The following KLF12 variants were observed in gnomAD, a reference collection of about 807,000 sequenced individuals.
The protein encoded by KLF12 is Krueppel-like factor 12.
KLF12 carries 9 observed loss-of-function variants against 37.8 expected under a neutral mutation model. That is an observed-to-expected ratio of 0.24 (90% confidence interval 0.14 to 0.42). The LOEUF (loss-of-function observed/expected upper bound fraction) is 0.42. Among genes scored for constraint, KLF12 ranks in the 10% least tolerant of loss-of-function variants. The pLI is 1.00. For synonymous variants in KLF12, 208 were observed against 202.1 expected (o/e 1.03, Z -0.25); for missense variants, 411 against 516.0 (o/e 0.80, Z 1.97).
the KLF12 span, among the ~76,000 whole-genome samples, chr13:74,212,965 G>A: frequency 6.6e-6 from 1 of 151,856 alleles, no homozygotes; most frequent in Admixed American, 6.6e-5. Context: ...AAATAAGAAA[G>A]TTTCTTAGAA....
chr13:73,976,479 C>A (rs560550630), intron 2 of KLF12, among the ~76,000 whole-genome samples: 1 of 152,232 alleles, frequency 6.6e-6, no homozygotes, highest in East Asian at 1.9e-4. Flanking sequence ...CCCTTTATCT[C>A]TATGTCAGGT....
chr13:74,035,154 T>C (rs905551660), intron 1 of KLF12, among the ~76,000 whole-genome samples: 1 of 152,198 alleles, frequency 6.6e-6, no homozygotes, highest in African/African-American at 2.4e-5. Flanking sequence ...AATCCAAAGA[T>C]GCTTGAGCCC....
At chr13:74,049,605 A>C (rs1872778929) in intron 1 of KLF12, among the ~76,000 whole-genome samples, 1 of 152,238 alleles carries the variant, frequency 6.6e-6, no homozygotes, top group South Asian at 2.1e-4. Flanking sequence ...TTAAAGAATA[A>C]ATAAGAAGAC....
chr13:73,962,794 C>T (rs4885138), intron 2 of KLF12, among the ~76,000 whole-genome samples: 110,437 of 152,062 alleles, frequency 0.73, 40,875 homozygotes, highest in East Asian at 0.88. Context: ...CATTTCCTAA[C>T]TCACTTCAGG....
At chr13:73,821,364 T>G (rs1429725151) in intron 4 of KLF12, among the ~76,000 whole-genome samples, 2 of 152,160 alleles carry the variant, frequency 1.3e-5, no homozygotes, top group Non-Finnish European at 2.9e-5. Context: ...ATTTCCAGCA[T>G]CCTACTGACT....
intron 1 of KLF12, among the ~76,000 whole-genome samples, chr13:74,074,146 G>A (rs1024786231): frequency 2.0e-5 from 3 of 150,664 alleles, no homozygotes; most frequent in Non-Finnish European, 4.4e-5. Flanking sequence ...TTTCTCATTC[G>A]AGAGAGAGAG....
At chr13:74,020,050 TAAAACAA>T (rs1566506719) in intron 1 of KLF12, among the ~76,000 whole-genome samples, 1 of 152,230 alleles carries the variant, frequency 6.6e-6, no homozygotes, top group Non-Finnish European at 1.5e-5. Flanking sequence ...CAGTCTGCCT[TAAAACAA>T]ATCATTCCTA....
intron 3 of KLF12, among the ~76,000 whole-genome samples, chr13:73,927,484 T>C (rs937109923): frequency 6.6e-6 from 1 of 152,176 alleles, no homozygotes; most frequent in Non-Finnish European, 1.5e-5. Context: ...TTTTACCTCT[T>C]CTCCAAACCT....
intron 1 of KLF12, among the ~76,000 whole-genome samples, chr13:74,037,698 G>T (rs1893291563): frequency 6.6e-6 from 1 of 152,144 alleles, no homozygotes; most frequent in Admixed American, 6.5e-5. Flanking sequence ...CTCCCATTAT[G>T]ATAATGTTGA....
At chr13:73,804,520 C>T (rs1466207777) in intron 5 of KLF12, among the ~76,000 whole-genome samples, 6 of 152,178 alleles carry the variant, frequency 3.9e-5, no homozygotes, top group African/African-American at 1.4e-4. Context: ...CATCTGGCTC[C>T]TAAATACCCA....
At chr13:73,827,471 C>A (rs1186925612) in intron 4 of KLF12, among the ~76,000 whole-genome samples, 1 of 152,190 alleles carries the variant, frequency 6.6e-6, no homozygotes, top group African/African-American at 2.4e-5. Flanking sequence ...CAATTCTCCT[C>A]CCAAATACAA....
chr13:74,273,061 G>C, the KLF12 span, among the ~76,000 whole-genome samples: 1 of 152,158 alleles, frequency 6.6e-6, no homozygotes, highest in African/African-American at 2.4e-5. Flanking sequence ...CTTTTGGTAG[G>C]GGTGTGCTCT....
intron 5 of KLF12, among the ~76,000 whole-genome samples, chr13:73,770,240 T>C (rs1594070802): frequency 6.6e-6 from 1 of 152,286 alleles, no homozygotes; most frequent in East Asian, 1.9e-4. Flanking sequence ...TTGTACTGAA[T>C]ACAAGTTCTC....
chr13:73,952,625 G>A (rs1202739212), intron 2 of KLF12, among the ~76,000 whole-genome samples: 1 of 152,176 alleles, frequency 6.6e-6, no homozygotes, highest in Non-Finnish European at 1.5e-5. Flanking sequence ...TTTCTGTAAT[G>A]CCTGTTGGGT....
At chr13:73,961,770 G>A (rs1891028143) in intron 2 of KLF12, among the ~76,000 whole-genome samples, 1 of 152,130 alleles carries the variant, frequency 6.6e-6, no homozygotes. Flanking sequence ...TACATCATTA[G>A]GGAATTGCAA....
intron 1 of KLF12, among the ~76,000 whole-genome samples, chr13:74,133,213 T>C (rs1351543255): frequency 6.6e-6 from 1 of 151,998 alleles, no homozygotes; most frequent in Non-Finnish European, 1.5e-5. Context: ...CCTTAACCCC[T>C]TCCCCTCCAC....
In KLF12 at chr13:73,782,499, C is replaced by A. The variant is rs368571212; in HGVS notation, c.807-17499G>T. Among the ~76,000 whole-genome samples the A allele has an allele frequency of 9.3e-4, 141 of 152,286 alleles. No individual in the cohort carries two copies. In the South Asian group the frequency reaches 0.019, roughly 21 times the overall value. ...TAAACAGCTAACTCCCAAATTGTAC[C>A]TAACTAGGGGAGTTTATCATGAAGA... is the stretch of plus-strand genomic sequence containing the variant. On this transcript the variant is annotated intron_variant, in intron 5 of 7. Transcript: ENST00000377669.
At chr13:74,083,920 G>T (rs920728495) in intron 1 of KLF12, among the ~76,000 whole-genome samples, 4 of 152,178 alleles carry the variant, frequency 2.6e-5, no homozygotes, top group African/African-American at 9.7e-5. Flanking sequence ...GAACTAGGCA[G>T]AAGTTTTTGA....
the KLF12 span, among the ~76,000 whole-genome samples, chr13:74,241,821 C>CA: frequency 3.9e-5 from 6 of 152,176 alleles, no homozygotes; most frequent in Non-Finnish European, 4.4e-5. Flanking sequence ...GGTGCATGCA[C>CA]CCACTGACCT....
Sources: allele counts gnomAD v4.1 joint callset (sites outside exome capture counted in the v4.1 genomes callset), GRCh38; gene constraint gnomAD v4.1.1; transcripts MANE v1.5; gene names NCBI Gene and HGNC (gene_info 2026-07-23, HGNC 2026-07-21).